The following CYB5R4 variants were observed in gnomAD, a reference collection of about 807,000 sequenced individuals.
CYB5R4 encodes the protein N-terminal cytochrome b5 and cytochrome b5 oxidoreductase domain-containing protein.
In CYB5R4, 55 loss-of-function variants were observed where a neutral mutation model predicts 70.2. The ratio of observed to expected loss-of-function variants is 0.78; its 90% CI spans 0.63 to 0.98. The LOEUF (loss-of-function observed/expected upper bound fraction) is 0.98, where lower values mean the gene tolerates loss of function less well. CYB5R4 is among the 50% of genes least tolerant of loss of function. The pLI, the probability that CYB5R4 is intolerant of heterozygous loss-of-function variation, is 0.00. For synonymous variants in CYB5R4, 197 were observed against 199.5 expected, an observed-to-expected ratio of 0.99 and a Z score of 0.11; for missense variants, 562 against 612.6, an observed-to-expected ratio of 0.92 and a Z score of 0.87.
chr6:83,930,102 A>G (rs1335150459), intron 10 of CYB5R4, among the ~76,000 whole-genome samples: 1 of 152,218 alleles, frequency 6.6e-6, no homozygotes, highest in East Asian at 1.9e-4. Context: ...AAAACAGTAT[A>G]TTACTAAAAA....
At chr6:83,902,113 G>A (rs1470811708) in intron 3 of CYB5R4, among the ~76,000 whole-genome samples, 1 of 151,956 alleles carries the variant, frequency 6.6e-6, no homozygotes, top group Non-Finnish European at 1.5e-5. Flanking sequence ...GTCATGAAGT[G>A]TTTTTCCAGT....
Position 83,959,988 on chromosome 6 carries a change from C to A in CYB5R4, c.*110C>A. On this transcript the variant is annotated 3_prime_UTR_variant, in exon 16 of 16. Transcript: ENST00000369681. The stretch of plus-strand genomic sequence containing the variant: ...TAACAAAAGGTTAACTAGAATCCAG[C>A]CTTCAGTTTCTTAAATGAAATCAAA... The A allele has an allele frequency of 2.6e-6, 2 of 772,352 alleles. No individual in the cohort carries two copies. Among genetic ancestry groups the A allele is most frequent in the East Asian group, 3.1e-5 (1 of 31,876 alleles). The allele number at this position is 772,352 out of a possible 1,614,324, so 47.8% of individuals were successfully genotyped here.
rs1267404738 is a variant in CYB5R4, at chr6:83,882,622, C to T, written c.230-10900C>T. Among the ~76,000 whole-genome samples, 3 of 152,028 alleles carry T rather than the reference C, an allele frequency of 2.0e-5. No homozygotes were observed. The East Asian group carries it at 5.8e-4, about 29-fold the overall frequency. The stretch of plus-strand genomic sequence containing the variant: ...TATTGGAGTCTGACTCTGAGATGAT[C>T]CAGATGTTGAACTTAGTTCACAAGT... On this transcript the variant is annotated intron_variant, in intron 2 of 15. Transcript: ENST00000369681.
intron 8 of CYB5R4, among the ~76,000 whole-genome samples, 168 bp from the exon 9 acceptor site, chr6:83,922,270 G>T (rs1368059908): frequency 6.6e-6 from 1 of 152,136 alleles, no homozygotes; most frequent in South Asian, 2.1e-4. Flanking sequence ...GTATTTAAAT[G>T]ATTTGATTCT....
chr6:83,909,820 G>C (rs1389684058), intron 4 of CYB5R4, among the ~76,000 whole-genome samples: 2 of 152,086 alleles, frequency 1.3e-5, no homozygotes, highest in African/African-American at 4.8e-5. Context: ...AGACATTTTT[G>C]TTGTTAGAAC....
intron 14 of CYB5R4, among the ~76,000 whole-genome samples, chr6:83,944,146 G>C (rs1018996700): frequency 2.0e-5 from 3 of 152,148 alleles, no homozygotes; most frequent in African/African-American, 7.2e-5. Flanking sequence ...ATTCACCAAG[G>C]TTGAAATGAA....
intron 14 of CYB5R4, among the ~76,000 whole-genome samples, chr6:83,942,155 AAGAATTT>A (rs2099469869): frequency 6.6e-6 from 1 of 152,156 alleles, no homozygotes; most frequent in Non-Finnish European, 1.5e-5. Context: ...AAATGTTTAA[AAGAATTT>A]AAACTGGTCG....
intron 14 of CYB5R4, among the ~76,000 whole-genome samples, chr6:83,945,334 C>A (rs1278076662): frequency 6.6e-6 from 1 of 152,090 alleles, no homozygotes; most frequent in African/African-American, 2.4e-5. Flanking sequence ...GCAGAAATAA[C>A]GAAATTAAGG....
At chr6:83,892,874 G>T (rs1040300088) in intron 2 of CYB5R4, among the ~76,000 whole-genome samples, 4 of 151,992 alleles carry the variant, frequency 2.6e-5, no homozygotes, top group Admixed American at 2.6e-4. Context: ...GTGCGTGTGT[G>T]TACTTTCAAA....
chr6:83,914,533 A>G, intron 5 of CYB5R4, 85 bp downstream of exon 5: 1 of 1,279,570 alleles, frequency 7.8e-7, no homozygotes, highest in Non-Finnish European at 1.0e-6. Context: ...GGGCATTTAA[A>G]TTTTTTTCTT....
intron 11 of CYB5R4, among the ~76,000 whole-genome samples, chr6:83,935,380 A>G (rs1331729717): frequency 6.6e-6 from 1 of 152,146 alleles, no homozygotes; most frequent in Non-Finnish European, 1.5e-5. Context: ...CTCAGAAGAT[A>G]TGATATATTA....
Position 83,936,242 on chromosome 6 carries a change from C to T in CYB5R4, c.974C>T (p.Pro325Leu). The change falls in exon 12 of 16, where the codon CCA becomes CTA. Residue 325 changes from proline to leucine, a missense_variant. Pro to Leu is a moderately conservative substitution (Grantham distance 98). Coordinates refer to ENST00000369681, the MANE Select transcript of CYB5R4 (RefSeq NM_016230.4). The part of the protein sequence containing the change: ...LPITGTEIVK[P>L]YTPVSGSLLS... ...TTTCTAGGTACAGAAATAGTAAAGC[C>T]ATATACACCTGTATCTGGTTCCTTA... is the stretch of plus-strand genomic sequence containing the variant. 1.3e-6 allele frequency: 2 copies of T among 1,572,568 alleles called. No homozygotes were observed. Among genetic ancestry groups the T allele is most frequent in the Non-Finnish European group, 1.7e-6 (2 of 1,166,516 alleles).
At chr6:83,948,098 T>C (rs1032515069) in intron 14 of CYB5R4, among the ~76,000 whole-genome samples, 4 of 152,122 alleles carry the variant, frequency 2.6e-5, no homozygotes, top group African/African-American at 7.2e-5. Flanking sequence ...CTATTCACAA[T>C]AGCAAAGACT....
rs1328270106 is a variant in CYB5R4 at position 83,893,603 on chromosome 6, G to C, written c.311G>C (p.Gly104Ala). The change falls in exon 3 of 16, where the codon GGT becomes GCT. Residue 104 changes from glycine to alanine, a missense_variant. Physicochemically the swap from Gly to Ala is moderately conservative, Grantham distance 60. Transcript: ENST00000369681. ...DELMRAAGSD[G>A]TELFDQVHRW... Reference sequence around the variant, plus strand: ...CTAATGAGAGCAGCAGGATCAGATGGTACTGAACTTTTTGATCAGGTAAGA... The same window carrying C: ...CTAATGAGAGCAGCAGGATCAGATGCTACTGAACTTTTTGATCAGGTAAGA... The C allele has an allele frequency of 6.2e-7, 1 of 1,610,896 alleles. No homozygotes were observed. Among genetic ancestry groups the C allele is most frequent in the African/African-American group, 1.3e-5 (1 of 74,818 alleles).
At chr6:83,946,158 G>A (rs1445294230) in intron 14 of CYB5R4, among the ~76,000 whole-genome samples, 2 of 152,122 alleles carry the variant, frequency 1.3e-5, no homozygotes, top group Non-Finnish European at 2.9e-5. Context: ...GATGAACATC[G>A]ATGCAAAAAT....
intron 15 of CYB5R4, 121 bp from the exon 16 acceptor site, chr6:83,959,703 A>G (rs1364682354): frequency 2.4e-6 from 2 of 837,594 alleles, no homozygotes; most frequent in African/African-American, 3.6e-5. Context: ...TTTATTTAAA[A>G]AAAACTACAT....
intron 14 of CYB5R4, among the ~76,000 whole-genome samples, chr6:83,945,966 G>A (rs1314093482): frequency 6.6e-6 from 1 of 152,170 alleles, no homozygotes; most frequent in Admixed American, 6.5e-5. Flanking sequence ...AGGACCAGAT[G>A]GATTTACAGC....
chr6:83,878,473 C>T lies in CYB5R4; in HGVS notation c.229+14145C>T, dbSNP rs560459829. On this transcript the variant is annotated intron_variant, in intron 2 of 15. Coordinates refer to ENST00000369681, the MANE Select transcript of CYB5R4 (RefSeq NM_016230.4). The stretch of plus-strand genomic sequence containing the variant: ...CGCCATTCTTCTGCCTCAGCCTCCC[C>T]AGCAGCTGGGACTACAGGCACACGC... Among the ~76,000 whole-genome samples, 3 of 152,122 alleles carry T rather than the reference C, an allele frequency of 2.0e-5. No individual in the cohort carries two copies. In the South Asian group the frequency reaches 6.2e-4, roughly 32 times the overall value.
intron 10 of CYB5R4, among the ~76,000 whole-genome samples, chr6:83,928,735 G>A (rs1458561403): frequency 1.3e-5 from 2 of 152,078 alleles, no homozygotes; most frequent in East Asian, 3.9e-4. Context: ...AGGGACAATG[G>A]AAATGAAAAG....
Sources: allele counts gnomAD v4.1 joint callset (sites outside exome capture counted in the v4.1 genomes callset), GRCh38; gene constraint gnomAD v4.1.1; transcripts MANE v1.5; gene names NCBI Gene and HGNC (gene_info 2026-07-23, HGNC 2026-07-21).